The following SAMD4A variants were observed in gnomAD, a reference collection of about 807,000 sequenced individuals.
The protein encoded by SAMD4A is protein Smaug homolog 1.
Under a neutral mutation model 81.3 loss-of-function variants are expected in SAMD4A, and 33 were observed. The ratio of observed to expected loss-of-function variants is 0.41; its 90% CI spans 0.31 to 0.54. The LOEUF is 0.54. Ranked by LOEUF, SAMD4A falls within the 20% of genes least tolerant of loss-of-function variation. The pLI, the probability that SAMD4A is intolerant of heterozygous loss-of-function variation, is 0.37. For synonymous variants in SAMD4A, 389 were observed against 382.1 expected (o/e 1.02, Z -0.21); for missense variants, 854 against 951.1 (o/e 0.90, Z 1.34).
At position 54,606,183 on chromosome 14, in the gene SAMD4A, CTGTG is replaced by C. The variant is rs57209362; in HGVS notation, c.196+38098_196+38101del. On this transcript the variant is annotated intron_variant, in intron 2 of 12. Transcript: ENST00000554335. ...CATTCCTCTATGTCTTACTTCTGGG[CTGTG>C]TGTGTGTGTGTGTGTGTGTGTGTGT... Among the ~76,000 whole-genome samples, 519 of 146,666 alleles carry C rather than the reference CTGTG, an allele frequency of 3.5e-3. 3 individuals are homozygous for C. The highest frequency in any genetic ancestry group is 4.8e-3 in the South Asian group (22 of 4,622).
intron 2 of SAMD4A, 58 bp downstream of exon 2, chr14:54,568,170 C>G: frequency 8.7e-6 from 12 of 1,382,202 alleles, no homozygotes; most frequent in Non-Finnish European, 7.5e-6. Flanking sequence ...CTCCTCCCTC[C>G]GCTTCTCTGC....
intron 2 of SAMD4A, among the ~76,000 whole-genome samples, chr14:54,697,714 A>G (rs548715094): frequency 2.6e-4 from 39 of 152,330 alleles, no homozygotes; most frequent in African/African-American, 7.9e-4. Flanking sequence ...AGCTTAAAAC[A>G]ATAAACATGT....
At chr14:54,773,876 G>A (rs1011337472) in intron 9 of SAMD4A, among the ~76,000 whole-genome samples, 3 of 152,242 alleles carry the variant, frequency 2.0e-5, no homozygotes, top group Admixed American at 2.0e-4. Context: ...TTCAGGCACC[G>A]GACATGCAGG....
intron 2 of SAMD4A, among the ~76,000 whole-genome samples, chr14:54,610,647 G>A (rs1164102847): frequency 6.6e-6 from 1 of 152,206 alleles, no homozygotes; most frequent in East Asian, 1.9e-4. Context: ...CTAACTCACT[G>A]TTGATAAAGT....
At chr14:54,607,641 A>T (rs1269792330) in intron 2 of SAMD4A, among the ~76,000 whole-genome samples, 2 of 151,508 alleles carry the variant, frequency 1.3e-5, no homozygotes, top group African/African-American at 4.9e-5. Context: ...TTTTTAGTAG[A>T]GACAGGGTTT....
intron 2 of SAMD4A, among the ~76,000 whole-genome samples, chr14:54,626,835 A>C (rs2034775320): frequency 6.6e-6 from 1 of 152,198 alleles, no homozygotes; most frequent in Admixed American, 6.5e-5. Context: ...ACTTCATTTG[A>C]TCTCATAATT....
In SAMD4A at chr14:54,717,532, C is replaced by T. The variant is rs2037149527; in HGVS notation, c.715+14952C>T. 4.6e-5 allele frequency among the ~76,000 whole-genome samples: 7 copies of T among 151,954 alleles called. 1 individual carries two copies. The highest frequency in any genetic ancestry group is 2.6e-4 in the Admixed American group (4 of 15,244). ...TAGCAGCATAATGTTAATACCCCAA[C>T]ACAATGTTACATCCAAGTATTAATC... On this transcript the variant is annotated intron_variant, in intron 3 of 12. Coordinates refer to ENST00000554335, the MANE Select transcript of SAMD4A (RefSeq NM_015589.6).
chr14:54,642,198 T>G (rs1409336405), intron 2 of SAMD4A, among the ~76,000 whole-genome samples: 1 of 152,220 alleles, frequency 6.6e-6, no homozygotes, highest in Non-Finnish European at 1.5e-5. Context: ...TGGCTTGAAC[T>G]GATTTACTGG....
At chr14:54,671,260 T>G (rs1278677545) in intron 2 of SAMD4A, among the ~76,000 whole-genome samples, 3 of 152,194 alleles carry the variant, frequency 2.0e-5, no homozygotes, top group African/African-American at 7.2e-5. Context: ...AGCATCACTG[T>G]TAGGGACACA....
intron 2 of SAMD4A, chr14:54,694,500 T>A (rs2036529947): frequency 1.7e-5 from 6 of 358,598 alleles, no homozygotes; most frequent in Non-Finnish European, 2.3e-5. Flanking sequence ...AGAGTTGGGT[T>A]GTGGACATGT....
intron 2 of SAMD4A, among the ~76,000 whole-genome samples, chr14:54,623,269 C>T (rs2034662197): frequency 6.6e-6 from 1 of 152,056 alleles, no homozygotes; most frequent in Non-Finnish European, 1.5e-5. Flanking sequence ...TTTTTGCTCT[C>T]AGAGGGCCAT....
At chr14:54,674,352 A>T (rs2035946172) in intron 2 of SAMD4A, among the ~76,000 whole-genome samples, 1 of 152,236 alleles carries the variant, frequency 6.6e-6, no homozygotes, top group Non-Finnish European at 1.5e-5. Context: ...GGTTCTCTAA[A>T]AAAGTAAGAC....
At chr14:54,614,264 G>A (rs1166811616) in intron 2 of SAMD4A, among the ~76,000 whole-genome samples, 2 of 151,928 alleles carry the variant, frequency 1.3e-5, no homozygotes, top group Admixed American at 6.6e-5. Context: ...ACATATAATG[G>A]GGTTATTGTT....
chr14:54,632,895 T>C (rs987705336), intron 2 of SAMD4A, among the ~76,000 whole-genome samples: 2 of 152,272 alleles, frequency 1.3e-5, no homozygotes, highest in Admixed American at 6.5e-5. Flanking sequence ...CTATGTATAG[T>C]AATTTATTTA....
At chr14:54,713,912 G>C (rs2037053841) in intron 3 of SAMD4A, among the ~76,000 whole-genome samples, 1 of 152,154 alleles carries the variant, frequency 6.6e-6, no homozygotes, top group South Asian at 2.1e-4. Context: ...TTATGGACAA[G>C]TTACTTGACC....
intron 2 of SAMD4A, among the ~76,000 whole-genome samples, chr14:54,656,122 C>T (rs1432822400): frequency 6.6e-6 from 1 of 152,106 alleles, no homozygotes; most frequent in Non-Finnish European, 1.5e-5. Flanking sequence ...GAAAAACGAA[C>T]ACAAATCAGA....
At chr14:54,767,267 C>T (rs1174518259) in intron 8 of SAMD4A, among the ~76,000 whole-genome samples, 2 of 152,286 alleles carry the variant, frequency 1.3e-5, no homozygotes, top group Non-Finnish European at 2.9e-5. Context: ...CACCCGGGCA[C>T]AGAGAGACAG....
upstream of SAMD4A, chr14:54,567,113 C>G (rs957830774): frequency 6.6e-6 from 1 of 152,460 alleles, no homozygotes; most frequent in Non-Finnish European, 1.5e-5. Context: ...CCCACCCCCA[C>G]CCCCGCGCCC....
At chr14:54,696,639 T>C (rs1041314854) in intron 2 of SAMD4A, among the ~76,000 whole-genome samples, 2 of 152,210 alleles carry the variant, frequency 1.3e-5, no homozygotes, top group African/African-American at 4.8e-5. Context: ...TGTGTAGCAA[T>C]AATACCAGAC....
Sources: gnomAD v4.1 joint callset for allele counts (sites outside exome capture counted in the v4.1 genomes callset) on GRCh38, gnomAD v4.1.1 for gene constraint, MANE v1.5 for transcripts, NCBI Gene and HGNC (gene_info 2026-07-23, HGNC 2026-07-21) for gene names.